The following MILR1 variants were observed in gnomAD, a reference collection of about 807,000 sequenced individuals.
MILR1 encodes allergin-1.
MILR1 carries 31 observed loss-of-function variants against 18.5 expected under a neutral mutation model. The ratio of observed to expected loss-of-function variants is 1.68; its 90% CI spans 1.26 to 2.26. The LOEUF (loss-of-function observed/expected upper bound fraction) is 2.26, where lower values mean the gene tolerates loss of function less well. Among genes scored for constraint, MILR1 ranks in the 30% most tolerant of loss-of-function variants. The pLI is 0.00. For missense variants in MILR1, 257 were observed against 157.4 expected (o/e 1.63, Z -3.38); for synonymous variants, 85 against 56.2 (o/e 1.51, Z -2.30).
intron 4 of MILR1, 111 bp downstream of exon 4, chr17:64,457,795 C>T: frequency 2.2e-6 from 1 of 459,492 alleles, no homozygotes; most frequent in Non-Finnish European, 3.9e-6. Flanking sequence ...CCAGGTCCTT[C>T]TGAAGGTGCA....
rs781889754 is a variant in MILR1 at position 64,465,467 on chromosome 17, A to G, written c.779A>G (p.Asn260Ser). The G allele has an allele frequency of 3.3e-5, 53 of 1,608,536 alleles. No homozygotes were observed. Among genetic ancestry groups the G allele is most frequent in the Non-Finnish European group, 4.3e-5 (51 of 1,177,264 alleles). The change falls in exon 6 of 10, where the codon AAT (asparagine) becomes AGT (serine). Residue 260 changes from asparagine to serine, a missense_variant. Coordinates refer to ENST00000619286, the MANE Select transcript of MILR1 (RefSeq NM_001085423.2). Reference protein sequence around the residue: ...PKYKTRKAMRNNVPRDRGDTA... With the variant: ...PKYKTRKAMRSNVPRDRGDTA... ...ATTTACGTAGGAAAAGCTATGAGAA[A>G]TAATGTGCCCAGGGACCGTGGAGAC...
the MILR1 span, among the ~76,000 whole-genome samples, chr17:64,491,124 T>C: frequency 2.6e-5 from 4 of 152,250 alleles, no homozygotes; most frequent in Admixed American, 2.6e-4. Flanking sequence ...AAGTTTATTC[T>C]AATTTACATT....
chr17:64,465,081 G>T (rs953066387), intron 5 of MILR1, among the ~76,000 whole-genome samples: 2 of 152,152 alleles, frequency 1.3e-5, no homozygotes, highest in African/African-American at 4.8e-5. Flanking sequence ...GCGACAGAGC[G>T]AGACTCCATC....
At chr17:64,491,089 A>G in the MILR1 span, 1 of 782,884 alleles carries the variant, frequency 1.3e-6, no homozygotes, top group South Asian at 1.5e-5. Flanking sequence ...GTGCGAAACT[A>G]GTCAAGTCCC....
intron 3 of MILR1, among the ~76,000 whole-genome samples, chr17:64,455,081 A>T (rs1294878199): frequency 1.3e-5 from 2 of 152,196 alleles, no homozygotes; most frequent in Non-Finnish European, 2.9e-5. Flanking sequence ...GGAGGGGGAA[A>T]ATCCCTGCAA....
chr17:64,468,222 T>C (rs2037623534), intron 9 of MILR1, 88 bp from the exon 10 acceptor site: 2 of 455,938 alleles, frequency 4.4e-6, no homozygotes, highest in Admixed American at 4.7e-5. Context: ...GCTCCAGACA[T>C]TGCTTGTGGT....
At chr17:64,479,245 T>G in the MILR1 span, among the ~76,000 whole-genome samples, 6 of 150,756 alleles carry the variant, frequency 4.0e-5, no homozygotes. Context: ...GTGCAGTGGC[T>G]TGATCTCAGC....
the MILR1 span, among the ~76,000 whole-genome samples, chr17:64,495,660 T>C: frequency 1.3e-5 from 2 of 152,208 alleles, no homozygotes; most frequent in African/African-American, 4.8e-5. Context: ...ATATTATCTC[T>C]TCTTTTACAA....
the MILR1 span, among the ~76,000 whole-genome samples, chr17:64,491,964 C>CA: frequency 1.5e-5 from 2 of 136,474 alleles, no homozygotes; most frequent in African/African-American, 2.7e-5. Context: ...AAACAGACAA[C>CA]AAAAATAAAA....
downstream of MILR1, among the ~76,000 whole-genome samples, chr17:64,470,567 C>T (rs556154099): frequency 4.6e-5 from 7 of 152,132 alleles, no homozygotes; most frequent in Non-Finnish European, 7.4e-5. Context: ...AGAGCGCTCG[C>T]GGGCATTGGG....
the MILR1 span, among the ~76,000 whole-genome samples, chr17:64,482,564 C>T: frequency 6.6e-6 from 1 of 152,086 alleles, no homozygotes; most frequent in African/African-American, 2.4e-5. Flanking sequence ...GTGATCCACC[C>T]GCTTTGGCCT....
chr17:64,491,756 G>T, the MILR1 span: 1 of 708,746 alleles, frequency 1.4e-6, no homozygotes, highest in Non-Finnish European at 2.5e-6. Context: ...CCTACAAGGA[G>T]CTCAAGCACG....
chr17:64,476,731 T>G, the MILR1 span, among the ~76,000 whole-genome samples: 14 of 151,988 alleles, frequency 9.2e-5, no homozygotes, highest in African/African-American at 3.1e-4. Context: ...CTCAAAATTG[T>G]TATCCCATCA....
the MILR1 span, among the ~76,000 whole-genome samples, chr17:64,490,070 G>T: frequency 6.6e-6 from 1 of 152,020 alleles, no homozygotes; most frequent in South Asian, 2.1e-4. Context: ...GACTATAAGG[G>T]CAAGCCACCA....
At chr17:64,465,973 CA>C (rs2037548908) in intron 6 of MILR1, among the ~76,000 whole-genome samples, 1 of 152,152 alleles carries the variant, frequency 6.6e-6, no homozygotes. Context: ...ACTATAAGGA[CA>C]TACCTGAGAT....
downstream of MILR1, among the ~76,000 whole-genome samples, chr17:64,469,159 A>C (rs932239648): frequency 7.9e-5 from 12 of 152,102 alleles, no homozygotes; most frequent in African/African-American, 2.4e-5. Flanking sequence ...AGAGAAAAGA[A>C]GAGAAACAGG....
chr17:64,474,606 C>G, the MILR1 span, among the ~76,000 whole-genome samples: 1 of 151,948 alleles, frequency 6.6e-6, no homozygotes, highest in African/African-American at 2.4e-5. Flanking sequence ...AACTCCAGGA[C>G]TCAAGTGATC....
the MILR1 span, chr17:64,477,846 T>C: frequency 1.2e-6 from 2 of 1,606,324 alleles, no homozygotes; most frequent in South Asian, 1.1e-5. Flanking sequence ...GCTGATGATA[T>C]ATACTTAATC....
the MILR1 span, among the ~76,000 whole-genome samples, chr17:64,481,901 G>C: frequency 6.6e-6 from 1 of 151,704 alleles, no homozygotes; most frequent in Non-Finnish European, 1.5e-5. Context: ...TAAATAAAAA[G>C]TTCAAAGGGG....
Sources: allele counts gnomAD v4.1 joint callset (sites outside exome capture counted in the v4.1 genomes callset), GRCh38; gene constraint gnomAD v4.1.1; transcripts MANE v1.5; gene names NCBI Gene and HGNC (gene_info 2026-07-23, HGNC 2026-07-21).